The following MBP variants were observed in gnomAD, a reference collection of about 807,000 sequenced individuals.
The protein encoded by MBP is myelin basic protein, also known as Golli-MBP.
Under a neutral mutation model 35.8 loss-of-function variants are expected in MBP, and 16 were observed. That is an observed-to-expected ratio of 0.45 (90% CI 0.30 to 0.68). The LOEUF is 0.68. Ranked by LOEUF, MBP falls within the 30% of genes least tolerant of loss-of-function variation. The probability of loss-of-function intolerance (pLI) is 0.08; values close to 1 mark genes in which losing one functional copy is unlikely to be tolerated. For missense variants in MBP, 380 were observed against 404.7 expected (o/e 0.94, Z 0.52); for synonymous variants, 143 against 159.6 (o/e 0.90, Z 0.78).
intron 2 of MBP, among the ~76,000 whole-genome samples, chr18:77,069,855 T>A (rs1974361540): frequency 6.6e-6 from 1 of 152,140 alleles, no homozygotes; most frequent in Non-Finnish European, 1.5e-5. Flanking sequence ...CCCTGAATAG[T>A]GATGGCAGAC....
intron 8 of MBP, chr18:76,984,380 C>A: frequency 4.3e-6 from 1 of 230,144 alleles, no homozygotes; most frequent in Non-Finnish European, 8.8e-6. Flanking sequence ...CTGGGCATTC[C>A]CTCCCGTGGC....
intron 3 of MBP, among the ~76,000 whole-genome samples, chr18:77,018,292 TCATG>T (rs1971760218): frequency 4.0e-5 from 3 of 74,930 alleles, no homozygotes; most frequent in Non-Finnish European, 7.7e-5. Context: ...ATCCATCCAC[TCATG>T]CATCCATCCA....
intron 2 of MBP, among the ~76,000 whole-genome samples, chr18:77,075,090 T>C (rs1974599138): frequency 1.3e-5 from 2 of 152,236 alleles, no homozygotes; most frequent in South Asian, 4.1e-4. Flanking sequence ...CAATCCCTCC[T>C]CTCCAAGATC....
At chr18:77,015,930 A>G in intron 4 of MBP, 1 of 985,472 alleles carries the variant, frequency 1.0e-6, no homozygotes, top group Non-Finnish European at 1.2e-6. Flanking sequence ...GCTTCATCTT[A>G]CAGGTTGTGT....
intron 3 of MBP, among the ~76,000 whole-genome samples, chr18:77,045,090 C>T (rs1973181813): frequency 6.6e-6 from 1 of 151,984 alleles, no homozygotes; most frequent in African/African-American, 2.4e-5. Context: ...AAGTAATCAG[C>T]CTACATGTCT....
rs1056897126 is a variant in MBP, at chr18:77,100,294, T to C, written c.51+4917A>G. Among the ~76,000 whole-genome samples the C allele has an allele frequency of 2.0e-5, 3 of 152,204 alleles. No individual in the cohort carries two copies. The East Asian group carries it at 5.8e-4, about 29-fold the overall frequency. ...TGCTTTCTACAAGCCAAGGAGAGGC[T>C]GCAGAGGAGACCAACCCTTGGCACC... On this transcript the variant is annotated intron_variant, in intron 2 of 8. Transcript: ENST00000355994.
chr18:77,069,108 T>C, intron 2 of MBP: 3 of 456,192 alleles, frequency 6.6e-6, no homozygotes, highest in South Asian at 3.1e-5. Context: ...TGTGATGCGG[T>C]GAATACTGTG....
chr18:76,996,525 G>A (rs1970279707), intron 4 of MBP, among the ~76,000 whole-genome samples: 1 of 152,208 alleles, frequency 6.6e-6, no homozygotes, highest in East Asian at 1.9e-4. Context: ...ATCCAGGCAT[G>A]AAATACTGTT....
intron 4 of MBP, among the ~76,000 whole-genome samples, chr18:76,992,216 T>G (rs1327906909): frequency 1.3e-5 from 2 of 151,880 alleles, no homozygotes; most frequent in East Asian, 1.9e-4. Context: ...TGGATGGGGG[T>G]GGGTAGGGGA....
At chr18:76,997,943 A>G (rs986840901) in intron 4 of MBP, among the ~76,000 whole-genome samples, 1 of 151,456 alleles carries the variant, frequency 6.6e-6, no homozygotes, top group African/African-American at 2.4e-5. Flanking sequence ...CGGCCTCCCA[A>G]AGTGCTGGGA....
At chr18:77,107,265 G>T (rs1010678356) in intron 1 of MBP, among the ~76,000 whole-genome samples, 1 of 152,186 alleles carries the variant, frequency 6.6e-6, no homozygotes, top group Non-Finnish European at 1.5e-5. Flanking sequence ...ACCTTTGGGG[G>T]CATTTTGCCC....
chr18:77,008,053 C>T (rs560353311), intron 4 of MBP, among the ~76,000 whole-genome samples: 1 of 152,272 alleles, frequency 6.6e-6, no homozygotes, highest in South Asian at 2.1e-4. Flanking sequence ...GGCTCCATCT[C>T]TCTGTGGCCA....
intron 2 of MBP, among the ~76,000 whole-genome samples, chr18:77,098,316 C>T (rs1257606388): frequency 6.6e-6 from 1 of 151,956 alleles, no homozygotes; most frequent in Non-Finnish European, 1.5e-5. Flanking sequence ...ATCATGTTAC[C>T]ATCTTAAGTA....
chr18:76,987,501 CCCTCTCTTCCTT>C, intron 7 of MBP: 2 of 985,598 alleles, frequency 2.0e-6, no homozygotes, highest in African/African-American at 3.5e-5. Context: ...GCCCCTTCCT[CCCTCTCTTCCTT>C]CCTCTTCCCC....
chr18:77,096,013 G>A (rs1023727150), intron 2 of MBP, among the ~76,000 whole-genome samples: 8 of 152,206 alleles, frequency 5.3e-5, no homozygotes, highest in Non-Finnish European at 1.2e-4. Flanking sequence ...CATTCCTGAG[G>A]ATGATATGAC....
chr18:77,030,648 T>G (rs550234210), intron 3 of MBP, among the ~76,000 whole-genome samples: 1 of 152,332 alleles, frequency 6.6e-6, no homozygotes, highest in South Asian at 2.1e-4. Context: ...AGCTGCTAAC[T>G]AAAAACAGCA....
At chr18:77,049,975 C>T (rs1973419564) in intron 3 of MBP, among the ~76,000 whole-genome samples, 1 of 152,166 alleles carries the variant, frequency 6.6e-6, no homozygotes, top group Non-Finnish European at 1.5e-5. Context: ...CCACTGCACT[C>T]ACCCCTAATG....
chr18:77,019,123 A>G (rs1178414546), intron 3 of MBP, among the ~76,000 whole-genome samples: 1 of 151,936 alleles, frequency 6.6e-6, no homozygotes, highest in African/African-American at 2.4e-5. Flanking sequence ...ACCATTCTAA[A>G]TATCTGAGTT....
intron 4 of MBP, among the ~76,000 whole-genome samples, chr18:76,993,317 C>T (rs1376535417): frequency 1.3e-5 from 2 of 152,164 alleles, no homozygotes; most frequent in Non-Finnish European, 2.9e-5. Context: ...CTTTGGGAGG[C>T]CGAGGCGGGC....
Sources: allele counts gnomAD v4.1 joint callset (sites outside exome capture counted in the v4.1 genomes callset), GRCh38; gene constraint gnomAD v4.1.1; transcripts MANE v1.5; gene names NCBI Gene and HGNC (gene_info 2026-07-23, HGNC 2026-07-21).